The following PDE4D variants were observed in gnomAD, a reference collection of about 807,000 sequenced individuals.
PDE4D encodes the protein 3',5'-cyclic-AMP phosphodiesterase 4D.
Under a neutral mutation model 87.4 loss-of-function variants are expected in PDE4D, and 24 were observed. The ratio of observed to expected loss-of-function variants is 0.27; its 90% confidence interval spans 0.20 to 0.39. The LOEUF is 0.39. PDE4D is among the 10% of genes least tolerant of loss of function. The pLI, the probability that PDE4D is intolerant of heterozygous loss-of-function variation, is 1.00. For missense variants in PDE4D, 714 were observed against 1,041.0 expected (o/e 0.69, Z 4.32); for synonymous variants, 384 against 383.2 (o/e 1.00, Z -0.02).
chr5:59,889,948 A>G (rs1245139009), intron 1 of PDE4D, among the ~76,000 whole-genome samples: 1 of 152,160 alleles, frequency 6.6e-6, no homozygotes, highest in East Asian at 1.9e-4. Context: ...TTTCCCATGG[A>G]CTTAAAAGAA....
chr5:60,479,829 G>A (rs545720519), intron 1 of PDE4D, among the ~76,000 whole-genome samples: 1 of 152,220 alleles, frequency 6.6e-6, no homozygotes, highest in South Asian at 2.1e-4. Flanking sequence ...CACCCAGAAG[G>A]AAAAAATGCA....
At chr5:59,870,554 T>C (rs1484778866) in intron 1 of PDE4D, among the ~76,000 whole-genome samples, 2 of 152,232 alleles carry the variant, frequency 1.3e-5, no homozygotes, top group African/African-American at 4.8e-5. Flanking sequence ...ACTGTAAGAA[T>C]GACTGACCAC....
In PDE4D at chr5:59,668,852, GAAGAAGAAGAAGAA is replaced by G. The variant is rs1561441359; in HGVS notation, c.455+224302_455+224315del. ...AGAAGAGGAAGAGGAAGAGGAAGAA[GAAGAAGAAGAAGAA>G]GAAGAAGAAGAAGAAGAAGAAGAAG... On this transcript the variant is annotated intron_variant, in intron 1 of 14. Transcript: ENST00000340635. Among the ~76,000 whole-genome samples the G allele has an allele frequency of 8.3e-4, 43 of 51,830 alleles. 1 individual carries two copies. The South Asian group carries it at 0.014, about 17-fold the overall frequency. The allele number at this position is 51,830 out of a possible 152,430, so 34.0% of individuals were successfully genotyped here. A position where few individuals can be genotyped will look rare whatever the true frequency, so the allele number is the denominator to read the frequency against.
intron 1 of PDE4D, among the ~76,000 whole-genome samples, chr5:60,400,366 C>CA (rs1258473421): frequency 6.6e-6 from 1 of 150,838 alleles, no homozygotes; most frequent in Non-Finnish European, 1.5e-5. Context: ...ACTAAAAATA[C>CA]AAAAAATTAG....
intron 1 of PDE4D, among the ~76,000 whole-genome samples, chr5:59,548,113 T>A (rs1445577026): frequency 6.6e-6 from 1 of 152,156 alleles, no homozygotes. Flanking sequence ...CTCACAACCA[T>A]TAAAACTAGC....
At position 59,215,819 on chromosome 5, in the gene PDE4D, G is replaced by A; in HGVS notation, c.605C>T (p.Ser202Phe). Residue 202 changes from serine to phenylalanine, a missense_variant, in exon 2 of 15, where the codon TCT becomes TTT. Ser to Phe is a radical substitution (Grantham distance 155). Transcript: ENST00000340635. ...LYRSDSDYDL[S>F]PKSMSRNSSI... ...GGAGTTCCGGGACATAGACTTTGGA[G>A]AGAGGTCATAATCGCTGTCGGATCG... is the stretch of plus-strand genomic sequence containing the variant. 6.2e-7 allele frequency: 1 copy of A among 1,613,690 alleles called. No individual in the cohort carries two copies.
chr5:59,034,811 A>C (rs1275017840), intron 6 of PDE4D, among the ~76,000 whole-genome samples: 1 of 152,258 alleles, frequency 6.6e-6, no homozygotes, highest in African/African-American at 2.4e-5. Context: ...ACTTCAAGAC[A>C]GACTTTCAGC....
At position 59,536,504 on chromosome 5, in the gene PDE4D, C is replaced by CAAAAAAAA. The variant is rs10586960; in HGVS notation, c.456-320544_456-320537dup. 5.7e-4 allele frequency among the ~76,000 whole-genome samples: 32 copies of CAAAAAAAA among 56,374 alleles called. 3 individuals carry two copies. Among genetic ancestry groups the CAAAAAAAA allele is most frequent in the African/African-American group, 2.6e-3 (28 of 10,700 alleles). The allele number at this position is 56,374 out of a possible 152,430, so 37.0% of individuals were successfully genotyped here. ...TGGGCAACAGAGCAAGACTCAGCCT[C>CAAAAAAAA]AAAAAAAAAAAAAAAAAAAAAAAAA... On this transcript the variant is annotated intron_variant, in intron 1 of 14. Coordinates refer to ENST00000340635, the MANE Select transcript of PDE4D (RefSeq NM_001104631.2).
intron 1 of PDE4D, among the ~76,000 whole-genome samples, chr5:60,298,150 T>C (rs961015898): frequency 1.4e-5 from 2 of 141,878 alleles, no homozygotes; most frequent in African/African-American, 5.1e-5. Context: ...ACCAGAAAAA[T>C]AAAAAAAAAA....
At position 58,992,564 on chromosome 5, in the gene PDE4D, T is replaced by G. The variant is rs371738029; in HGVS notation, c.1016-560A>C. On this transcript the variant is annotated intron_variant, in intron 7 of 14. Transcript: ENST00000340635. ...AATTCTGCTACTTTTTATTTCTGTA[T>G]GATAGTGAGATAAGGGTTAAATCCC... Among the ~76,000 whole-genome samples, 4 of 152,262 alleles carry G rather than the reference T, an allele frequency of 2.6e-5. No individual in the cohort carries two copies. The South Asian group carries it at 8.3e-4, about 32-fold the overall frequency.
In PDE4D at chr5:60,104,970, G is replaced by C. The variant is rs567675923; in HGVS notation, c.42+80587C>G. 2.6e-5 allele frequency among the ~76,000 whole-genome samples: 4 copies of C among 152,316 alleles called. No individual in the cohort carries two copies. The South Asian group carries it at 8.3e-4, about 32-fold the overall frequency. ...AGCAGAGCCCCTCTCCTCCTCCAAA[G>C]GAACGCAGTTCCTCACCAGCAATGG... is the stretch of plus-strand genomic sequence containing the variant. On this transcript the variant is annotated intron_variant, in intron 2 of 16. Coordinates refer to the PDE4D transcript ENST00000502484.
chr5:59,324,132 A>C (rs1775218387), intron 1 of PDE4D, among the ~76,000 whole-genome samples: 1 of 152,126 alleles, frequency 6.6e-6, no homozygotes, highest in South Asian at 2.1e-4. Context: ...ATTTTCATTA[A>C]AAGCCCACTC....
chr5:59,752,517 T>C (rs527442642), intron 1 of PDE4D, among the ~76,000 whole-genome samples: 43 of 152,312 alleles, frequency 2.8e-4, no homozygotes, highest in Non-Finnish European at 1.3e-4. Context: ...GGGATACACC[T>C]GTGAATGAGG....
chr5:59,474,821 C>CA (rs1198723048), intron 1 of PDE4D, among the ~76,000 whole-genome samples: 2 of 151,784 alleles, frequency 1.3e-5, no homozygotes, highest in Admixed American at 1.3e-4. Context: ...AAGTTTTATG[C>CA]AAAAAAGTTA....
intron 1 of PDE4D, among the ~76,000 whole-genome samples, chr5:59,496,942 T>C (rs193191789): frequency 5.4e-4 from 82 of 152,256 alleles, no homozygotes; most frequent in Admixed American, 1.6e-3. Context: ...CCCTTGCCCC[T>C]ACCTTCTGGC....
intron 1 of PDE4D, among the ~76,000 whole-genome samples, chr5:59,849,314 T>C (rs1036937345): frequency 6.6e-6 from 1 of 152,030 alleles, no homozygotes; most frequent in Non-Finnish European, 1.5e-5. Flanking sequence ...TTATTTTATA[T>C]GATTTTGAGT....
At chr5:59,113,278 C>A (rs1181954382) in intron 5 of PDE4D, among the ~76,000 whole-genome samples, 1 of 152,140 alleles carries the variant, frequency 6.6e-6, no homozygotes, top group East Asian at 1.9e-4. Context: ...TTCTATTATT[C>A]CTTTCTTAAA....
chr5:60,489,149 C>T (rs934005776), upstream of PDE4D, among the ~76,000 whole-genome samples: 4 of 152,166 alleles, frequency 2.6e-5, no homozygotes, highest in African/African-American at 4.8e-5. Flanking sequence ...CAGAACACCA[C>T]ACCCCTTAGA....
chr5:59,529,310 A>G, intron 1 of PDE4D: 4 of 314,112 alleles, frequency 1.3e-5, no homozygotes, highest in Non-Finnish European at 2.6e-5. Context: ...ATTAATCATT[A>G]AAAAAAGAAA....
Sources: gnomAD v4.1 joint callset for allele counts (sites outside exome capture counted in the v4.1 genomes callset) on GRCh38, gnomAD v4.1.1 for gene constraint, MANE v1.5 for transcripts, NCBI Gene and HGNC (gene_info 2026-07-23, HGNC 2026-07-21) for gene names.